Variants in ARHGEF18 observed in about 807,000 individuals in gnomAD.
ARHGEF18 encodes the protein Rho/Rac guanine nucleotide exchange factor 18, also known as rho guanine nucleotide exchange factor 18.
In ARHGEF18, 93 loss-of-function variants were observed where a neutral mutation model predicts 155.7. The ratio of observed to expected loss-of-function variants is 0.60; its 90% CI spans 0.50 to 0.71. The LOEUF (loss-of-function observed/expected upper bound fraction) is 0.71, where lower values mean the gene tolerates loss of function less well. ARHGEF18 is among the 30% of genes least tolerant of loss of function. ARHGEF18 has a pLI of 0.00. For missense variants in ARHGEF18, 1,593 were observed against 1,816.1 expected, an observed-to-expected ratio of 0.88 and a Z score of 2.23; for synonymous variants, 742 against 753.1, an observed-to-expected ratio of 0.99 and a Z score of 0.24.
chr19:7,466,855 G>A (rs1325609140), intron 23 of ARHGEF18, 63 bp from the exon 24 acceptor site: 5 of 1,156,550 alleles, frequency 4.3e-6, no homozygotes, highest in Non-Finnish European at 3.7e-6. Flanking sequence ...GAAGAAGAAG[G>A]CTTGAGTCTA....
At chr19:7,455,208 A>G (rs1975750923) in intron 17 of ARHGEF18, among the ~76,000 whole-genome samples, 1 of 152,186 alleles carries the variant, frequency 6.6e-6, no homozygotes, top group Non-Finnish European at 1.5e-5. Flanking sequence ...CCAGGCGCCG[A>G]GTTGGATGGT....
intron 10 of ARHGEF18, among the ~76,000 whole-genome samples, chr19:7,431,931 C>T (rs1045957794): frequency 5.6e-4 from 85 of 152,104 alleles, no homozygotes; most frequent in African/African-American, 1.6e-3. Context: ...GGGGGTTTGA[C>T]GTGTAGTTTG....
chr19:7,440,610 C>A lies in ARHGEF18; in HGVS notation c.1106+128C>A. 8.1e-7 allele frequency: 1 copy of A among 1,238,292 alleles called. No homozygotes were observed. 76.7% of individuals were successfully genotyped at this position (1,238,292 alleles called of 1,614,324 possible). ...TCCACACGGCAGCCCCCGTGCTAAG[C>A]AGAGAAATTCCCATTAACGCTTGCT... On this transcript the variant is annotated intron_variant, in intron 11 of 28. Transcript: ENST00000668164. The surrounding 1 kb of genome is among the most constrained non-coding windows in gnomAD (Gnocchi z 5.4).
At chr19:7,409,526 C>T (rs1298064852) in intron 10 of ARHGEF18, among the ~76,000 whole-genome samples, 1 of 149,330 alleles carries the variant, frequency 6.7e-6, no homozygotes, top group Non-Finnish European at 1.5e-5. Flanking sequence ...CTCCTGAGTT[C>T]AAGCTATTCT....
chr19:7,349,586 C>T (rs985876372), intron 1 of ARHGEF18, among the ~76,000 whole-genome samples: 5 of 151,522 alleles, frequency 3.3e-5, no homozygotes, highest in African/African-American at 4.9e-5. Context: ...GAGACCAGCC[C>T]GGCCAACATG....
chr19:7,464,004 A>G (rs1976457327), intron 22 of ARHGEF18, 49 bp downstream of exon 22: 1 of 1,522,008 alleles, frequency 6.6e-7, no homozygotes, highest in East Asian at 2.4e-5. Flanking sequence ...GCCCCTCAGG[A>G]TGCACATTAA....
At chr19:7,432,997 C>T (rs1568329350) in intron 10 of ARHGEF18, among the ~76,000 whole-genome samples, 1 of 151,710 alleles carries the variant, frequency 6.6e-6, no homozygotes, top group Non-Finnish European at 1.5e-5. Context: ...CCCGTTGCTA[C>T]AGAAAAATTT....
At chr19:7,405,637 G>T (rs958908058) in intron 10 of ARHGEF18, among the ~76,000 whole-genome samples, 14 of 152,160 alleles carry the variant, frequency 9.2e-5, no homozygotes, top group African/African-American at 2.4e-4. Flanking sequence ...TTGAAACAGG[G>T]TCTTGCTCTG....
intron 10 of ARHGEF18, among the ~76,000 whole-genome samples, chr19:7,410,445 T>C (rs896290492): frequency 2.6e-5 from 4 of 152,000 alleles, no homozygotes; most frequent in African/African-American, 9.7e-5. Flanking sequence ...TCTTCCAGCT[T>C]TCTGGAAGAT....
chr19:7,363,165 T>C (rs972633105), intron 2 of ARHGEF18, among the ~76,000 whole-genome samples: 2 of 150,988 alleles, frequency 1.3e-5, no homozygotes, highest in Non-Finnish European at 3.0e-5. Flanking sequence ...GGTGTCTGGA[T>C]AGATGGATGG....
Position 7,395,082 on chromosome 19 carries a change from T to C in ARHGEF18, c.967+11879T>C. 2.0e-6 allele frequency: 2 copies of C among 985,408 alleles called. No individual in the cohort carries two copies. The highest frequency in any genetic ancestry group is 2.4e-6 in the Non-Finnish European group (2 of 829,942). 61.0% of individuals were successfully genotyped at this position (985,408 alleles called of 1,614,324 possible). ...TCCGGGTCACGCCCTCTGCCCCGCC[T>C]CCGAGGCGGGATCGCGCATGCGCTG... is the stretch of plus-strand genomic sequence containing the variant. On this transcript the variant is annotated intron_variant, in intron 10 of 28. Transcript: ENST00000668164. This position sits in a 1 kb window ranked among gnomAD's most constrained non-coding sequence, Gnocchi z 5.0.
At chr19:7,477,415 C>T (rs1364739572), downstream of ARHGEF18, 1 of 1,477,542 alleles carries the variant, frequency 6.8e-7, no homozygotes, top group Non-Finnish European at 8.9e-7. Flanking sequence ...CCATGGCCCT[C>T]CGCTTGCCCC....
At chr19:7,426,486 C>CGAA (rs1973671475) in intron 10 of ARHGEF18, among the ~76,000 whole-genome samples, 1 of 100,786 alleles carries the variant, frequency 9.9e-6, no homozygotes, top group Non-Finnish European at 2.0e-5. Flanking sequence ...GACTCTGTCT[C>CGAA]AAAAAAAAAA....
In ARHGEF18 at chr19:7,462,131, A is replaced by C. The variant is rs781096602; in HGVS notation, c.2453-21A>C. The C allele has an allele frequency of 1.9e-6, 3 of 1,613,324 alleles. No individual in the cohort carries two copies. Among genetic ancestry groups the C allele is most frequent in the Non-Finnish European group, 2.5e-6 (3 of 1,179,968 alleles). On this transcript the variant is annotated intron_variant, in intron 20 of 28. Transcript: ENST00000668164. This position sits in a 1 kb window ranked among gnomAD's most constrained non-coding sequence, Gnocchi z 4.4. ...GGGAAGGCCGACCCGGCTGACTGCC[A>C]CCTCCACCATCACTCTGCAGAGCGG... is the stretch of plus-strand genomic sequence containing the variant.
intron 16 of ARHGEF18, among the ~76,000 whole-genome samples, chr19:7,452,117 C>T (rs1417666533): frequency 1.3e-5 from 2 of 152,212 alleles, no homozygotes; most frequent in Non-Finnish European, 2.9e-5. Flanking sequence ...TCCCCCAGCC[C>T]CTAGCACAGG....
chr19:7,442,353 C>A (rs1294944696), intron 13 of ARHGEF18, among the ~76,000 whole-genome samples: 1 of 152,094 alleles, frequency 6.6e-6, no homozygotes, highest in African/African-American at 2.4e-5. Context: ...CCCACCTCAG[C>A]CTCCCTAGTA....
chr19:7,412,367 T>C (rs1175296557), intron 10 of ARHGEF18, among the ~76,000 whole-genome samples: 1 of 151,482 alleles, frequency 6.6e-6, no homozygotes, highest in African/African-American at 2.4e-5. Flanking sequence ...AGCTGCCCCA[T>C]TTTACCTTCC....
chr19:7,413,897 G>A (rs531806599), intron 10 of ARHGEF18, among the ~76,000 whole-genome samples: 2 of 152,098 alleles, frequency 1.3e-5, no homozygotes, highest in East Asian at 1.9e-4. Context: ...GCTGTGTCTC[G>A]GTCAGTCATT....
intron 10 of ARHGEF18, among the ~76,000 whole-genome samples, chr19:7,413,365 G>C (rs1031778253): frequency 1.6e-4 from 24 of 149,364 alleles, no homozygotes; most frequent in Admixed American, 6.7e-5. Flanking sequence ...GCAGTGGCAC[G>C]ATCTCGGCTC....
Sources: gnomAD v4.1 joint callset for allele counts (sites outside exome capture counted in the v4.1 genomes callset) on GRCh38, gnomAD v4.1.1 for gene constraint, Gnocchi (gnomAD v3.1) non-coding constraint, MANE v1.5 for transcripts, NCBI Gene and HGNC (gene_info 2026-07-23, HGNC 2026-07-21) for gene names.